Variants in CNBD2 observed in about 807,000 individuals in gnomAD.
CNBD2 encodes the protein cyclic nucleotide binding domain containing 2, also known as cyclic nucleotide-binding domain-containing protein 2.
In CNBD2, 64 loss-of-function variants were observed where a neutral mutation model predicts 63.7. That is an observed-to-expected ratio of 1.00 (90% CI 0.82 to 1.24). CNBD2 has a LOEUF of 1.24. CNBD2 is among the 50% of genes most tolerant of loss of function. CNBD2 has a pLI of 0.00. For synonymous variants in CNBD2, 229 were observed against 255.4 expected (o/e 0.90, Z 0.99); for missense variants, 691 against 713.5 (o/e 0.97, Z 0.36).
chr20:35,993,867 CTTT>C (rs58873487), intron 7 of CNBD2, among the ~76,000 whole-genome samples: 4 of 86,474 alleles, frequency 4.6e-5, no homozygotes, highest in Admixed American at 1.4e-4. Flanking sequence ...TTCAGCTAAT[CTTT>C]TTTTTTTTTT....
chr20:36,016,560 CA>C (rs1302155461), intron 10 of CNBD2, among the ~76,000 whole-genome samples: 1 of 152,070 alleles, frequency 6.6e-6, no homozygotes, highest in Non-Finnish European at 1.5e-5. Flanking sequence ...GAGGCTGAGG[CA>C]GGTGGATCAC....
intron 11 of CNBD2, 31 bp from the exon 12 acceptor site, chr20:36,030,326 G>A: frequency 6.2e-7 from 1 of 1,609,916 alleles, no homozygotes; most frequent in Non-Finnish European, 8.5e-7. Context: ...GGACTGGCAT[G>A]AGAACCTCGG....
intron 2 of CNBD2, chr20:35,975,049 T>A (rs1466300534): frequency 6.8e-6 from 1 of 147,938 alleles, no homozygotes; most frequent in African/African-American, 2.5e-5. Flanking sequence ...TCGCCCAGGC[T>A]GGAGTGCAGT....
chr20:35,997,055 T>A (rs1279089504), intron 8 of CNBD2, among the ~76,000 whole-genome samples: 3 of 152,228 alleles, frequency 2.0e-5, no homozygotes, highest in Admixed American at 6.5e-5. Context: ...CCAGGCTTGC[T>A]GATTCTAGGG....
At chr20:35,960,869 TTCCTC>T (rs74173967) in intron 2 of CNBD2, among the ~76,000 whole-genome samples, 38 of 146,072 alleles carry the variant, frequency 2.6e-4, no homozygotes, top group East Asian at 2.3e-3. Flanking sequence ...TTCTCTTCCT[TTCCTC>T]TCCTCTCCTC....
chr20:36,001,710 T>C (rs1381315263), intron 8 of CNBD2, among the ~76,000 whole-genome samples: 7 of 146,438 alleles, frequency 4.8e-5, no homozygotes, highest in African/African-American at 1.8e-4. Context: ...GCTCCTCACC[T>C]CCCAGACGGG....
intron 7 of CNBD2, among the ~76,000 whole-genome samples, chr20:35,993,250 C>T (rs1197994261): frequency 6.6e-6 from 1 of 152,128 alleles, no homozygotes; most frequent in African/African-American, 2.4e-5. Context: ...TTACCCAAAT[C>T]AAGATAAAAA....
At chr20:35,980,662 T>C (rs1241919063) in intron 4 of CNBD2, 40 bp downstream of exon 4, 2 of 1,599,534 alleles carry the variant, frequency 1.3e-6, no homozygotes, top group East Asian at 4.5e-5. Context: ...AGGCTGAGGC[T>C]GGACTGAGCA....
chr20:35,995,227 CT>C, intron 8 of CNBD2, 75 bp downstream of exon 8: 1 of 980,348 alleles, frequency 1.0e-6, no homozygotes, highest in Non-Finnish European at 1.6e-6. Context: ...CACATAGAGC[CT>C]TAGAAATCTA....
chr20:36,002,966 G>T (rs1431982007), intron 8 of CNBD2, among the ~76,000 whole-genome samples: 3 of 151,396 alleles, frequency 2.0e-5, no homozygotes, highest in Non-Finnish European at 2.9e-5. Context: ...CTGATGTTCT[G>T]TTCATTTTTT....
chr20:35,972,916 T>C, intron 2 of CNBD2, 150 bp downstream of exon 2: 1 of 695,188 alleles, frequency 1.4e-6, no homozygotes. Flanking sequence ...TGGCCATACT[T>C]CTGTTGGAGA....
chr20:35,970,600 G>A (rs2056399423), intron 1 of CNBD2, among the ~76,000 whole-genome samples: 1 of 151,904 alleles, frequency 6.6e-6, no homozygotes. Flanking sequence ...ATTTCACCAT[G>A]TTGGCCAGAC....
intron 7 of CNBD2, among the ~76,000 whole-genome samples, chr20:35,993,142 A>G (rs1038417252): frequency 1.4e-5 from 2 of 147,352 alleles, no homozygotes; most frequent in Non-Finnish European, 3.1e-5. Context: ...GTTCCCCTAT[A>G]GCTCAAAAAA....
upstream of CNBD2, among the ~76,000 whole-genome samples, chr20:35,965,574 A>C (rs192687656): frequency 6.6e-5 from 10 of 152,342 alleles, no homozygotes; most frequent in African/African-American, 2.2e-4. Context: ...ACCTAAGATC[A>C]CATAGGAATA....
At chr20:36,006,819 C>T (rs1040670134) in intron 8 of CNBD2, among the ~76,000 whole-genome samples, 1 of 152,222 alleles carries the variant, frequency 6.6e-6, no homozygotes, top group African/African-American at 2.4e-5. Flanking sequence ...CTCTACCCCT[C>T]ACCCTTGCCC....
intron 3 of CNBD2, among the ~76,000 whole-genome samples, chr20:35,979,526 G>A (rs1156460496): frequency 6.6e-6 from 1 of 152,224 alleles, no homozygotes; most frequent in Admixed American, 6.5e-5. Flanking sequence ...CCAAAGTGTT[G>A]GGATTATAGG....
intron 10 of CNBD2, among the ~76,000 whole-genome samples, chr20:36,018,977 G>A (rs1483817159): frequency 1.3e-5 from 2 of 152,174 alleles, no homozygotes; most frequent in African/African-American, 4.8e-5. Flanking sequence ...TATTCCTTGA[G>A]CACCTACCAT....
intron 11 of CNBD2, among the ~76,000 whole-genome samples, chr20:36,027,127 C>T (rs986648457): frequency 2.0e-5 from 3 of 152,222 alleles, no homozygotes; most frequent in Non-Finnish European, 4.4e-5. Flanking sequence ...TTATTCACTT[C>T]GTGAATATGT....
chr20:35,958,229 G>A (rs2056275819), downstream of CNBD2, among the ~76,000 whole-genome samples: 1 of 152,148 alleles, frequency 6.6e-6, no homozygotes, highest in South Asian at 2.1e-4. Context: ...TCAGGAGTTT[G>A]AGACCAGCCT....
Sources: allele counts gnomAD v4.1 joint callset (sites outside exome capture counted in the v4.1 genomes callset), GRCh38; gene constraint gnomAD v4.1.1; transcripts MANE v1.5; gene names NCBI Gene and HGNC (gene_info 2026-07-23, HGNC 2026-07-21).